LRGUK: variants seen among roughly 807,000 people sequenced by gnomAD.
LRGUK encodes the protein leucine rich repeats and guanylate kinase domain containing, also known as leucine-rich repeat and guanylate kinase domain-containing protein.
LRGUK carries 65 observed loss-of-function variants against 76.0 expected under a neutral mutation model. The observed-to-expected ratio is 0.85, with a 90% CI of 0.70 to 1.05. The LOEUF (loss-of-function observed/expected upper bound fraction) is 1.05, where lower values mean the gene tolerates loss of function less well. LRGUK is among the 50% of genes least tolerant of loss of function. The pLI, the probability that LRGUK is intolerant of heterozygous loss-of-function variation, is 0.00. For synonymous variants in LRGUK, 268 were observed against 265.6 expected (o/e 1.01, Z -0.09); for missense variants, 758 against 732.8 (o/e 1.03, Z -0.40).
chr7:134,131,994 G>A (rs1797328841), intron 1 of LRGUK, among the ~76,000 whole-genome samples: 1 of 152,110 alleles, frequency 6.6e-6, no homozygotes, highest in African/African-American at 2.4e-5. Flanking sequence ...AAACTGGGAA[G>A]GACTGGTAAG....
chr7:134,258,929 C>A (rs959839681), intron 19 of LRGUK, among the ~76,000 whole-genome samples: 2 of 152,116 alleles, frequency 1.3e-5, no homozygotes, highest in African/African-American at 4.8e-5. Context: ...GGTCACTTAG[C>A]TACTTTGAGT....
At chr7:134,177,731 G>A (rs1799541837) in intron 9 of LRGUK, among the ~76,000 whole-genome samples, 2 of 152,140 alleles carry the variant, frequency 1.3e-5, no homozygotes, top group Non-Finnish European at 2.9e-5. Context: ...ATGTAGAGAG[G>A]CACGTATTCC....
exon 17 of LRGUK, chr7:134,247,615 A>G (rs1802337413): frequency 6.2e-7 from 1 of 1,613,634 alleles, no homozygotes; most frequent in Non-Finnish European, 8.5e-7. Flanking sequence ...TGGGAAGGAT[A>G]CGCCCTGATC....
chr7:134,158,988 C>T (rs892292607), intron 6 of LRGUK, among the ~76,000 whole-genome samples: 2 of 152,122 alleles, frequency 1.3e-5, no homozygotes, highest in Non-Finnish European at 2.9e-5. Flanking sequence ...AGGCTTGTAG[C>T]TTGTAAATTT....
chr7:134,249,879 A>G (rs1802401808), intron 18 of LRGUK, among the ~76,000 whole-genome samples: 1 of 152,158 alleles, frequency 6.6e-6, no homozygotes, highest in South Asian at 2.1e-4. Flanking sequence ...AATTTACACA[A>G]AGATCTGGCT....
At chr7:134,245,318 G>C (rs1272911664) in intron 16 of LRGUK, among the ~76,000 whole-genome samples, 1 of 152,138 alleles carries the variant, frequency 6.6e-6, no homozygotes, top group Non-Finnish European at 1.5e-5. Context: ...GCCCTGCTTT[G>C]CTTTTCAGTG....
chr7:134,258,338 G>A lies in LRGUK; in HGVS notation c.2280G>A (p.Pro760=), dbSNP rs770195868. The change falls in exon 19 of 20, where the codon CCG becomes CCA. Residue 760 remains proline (P), a synonymous_variant. Coordinates refer to the LRGUK transcript ENST00000285928. Reference sequence around the variant, plus strand: ...CAAAAGAATTGCCTTTCCAGCCTCCGGAGGGGAGCATTTCTTCACACCTAG... The same window carrying A: ...CAAAAGAATTGCCTTTCCAGCCTCCAGAGGGGAGCATTTCTTCACACCTAG... 6.4e-5 allele frequency: 103 copies of A among 1,613,954 alleles called. No individual in the cohort carries two copies. The highest frequency in any genetic ancestry group is 5.3e-5 in the Non-Finnish European group (62 of 1,180,004).
chr7:134,258,831 CAG>C (rs1241644116), intron 19 of LRGUK, among the ~76,000 whole-genome samples: 22 of 152,140 alleles, frequency 1.4e-4, no homozygotes, highest in African/African-American at 4.6e-4. Flanking sequence ...AGTATTGAGT[CAG>C]AATCTCCCTC....
intron 7 of LRGUK, among the ~76,000 whole-genome samples, chr7:134,167,048 T>C (rs2116948536): frequency 6.6e-6 from 1 of 152,324 alleles, no homozygotes; most frequent in Admixed American, 6.5e-5. Context: ...ACAACATTGA[T>C]GCAGAGGCAT....
chr7:134,217,324 G>A (rs1181147231), intron 15 of LRGUK, among the ~76,000 whole-genome samples: 2 of 151,996 alleles, frequency 1.3e-5, no homozygotes, highest in Non-Finnish European at 2.9e-5. Context: ...TCTTATGAAT[G>A]TAAATGTGTA....
intron 19 of LRGUK, among the ~76,000 whole-genome samples, chr7:134,260,124 C>T (rs981084571): frequency 1.3e-5 from 2 of 152,082 alleles, no homozygotes; most frequent in Non-Finnish European, 2.9e-5. Context: ...AATCAGTTAA[C>T]ATTTGAGCCT....
At chr7:134,202,566 T>A (rs1369856) in intron 15 of LRGUK, among the ~76,000 whole-genome samples, 2,319 of 152,174 alleles carry the variant, frequency 0.015, 67 homozygotes, top group African/African-American at 0.053. Flanking sequence ...CTATTCACAA[T>A]AGCCAAAAGG....
At chr7:134,143,268 G>A (rs17167492) in intron 4 of LRGUK, 106 bp downstream of exon 4, 88,156 of 706,352 alleles carry the variant, frequency 0.12, 7,038 homozygotes, top group East Asian at 0.33. Context: ...AAGATACAGA[G>A]GTAAGCAATG....
intron 1 of LRGUK, among the ~76,000 whole-genome samples, chr7:134,133,762 T>A (rs373247904): frequency 2.0e-5 from 3 of 152,102 alleles, no homozygotes; most frequent in South Asian, 4.1e-4. Flanking sequence ...TAGAGAGAAA[T>A]TGAAATTGCG....
At chr7:134,187,585 T>C (rs1305981705) in intron 11 of LRGUK, among the ~76,000 whole-genome samples, 1 of 152,252 alleles carries the variant, frequency 6.6e-6, no homozygotes, top group Non-Finnish European at 1.5e-5. Context: ...GTTTTGATTT[T>C]ACTATTTGTT....
intron 16 of LRGUK, among the ~76,000 whole-genome samples, chr7:134,240,899 C>G (rs1162648357): frequency 6.6e-6 from 1 of 152,184 alleles, no homozygotes; most frequent in Non-Finnish European, 1.5e-5. Flanking sequence ...GGCCAATATT[C>G]AACATTCTTA....
exon 4 of LRGUK, chr7:134,143,151 A>G (rs757407122): frequency 8.2e-6 from 13 of 1,592,802 alleles, no homozygotes; most frequent in Non-Finnish European, 9.5e-6. Context: ...CAAGCCACCC[A>G]AAAACCTCAA....
chr7:134,270,373 C>G, the LRGUK span, among the ~76,000 whole-genome samples: 1 of 152,074 alleles, frequency 6.6e-6, no homozygotes, highest in Admixed American at 6.6e-5. Flanking sequence ...AGACTTATAT[C>G]TTACAAGTGA....
chr7:134,246,830 T>C (rs1802313955), intron 16 of LRGUK, among the ~76,000 whole-genome samples: 1 of 152,224 alleles, frequency 6.6e-6, no homozygotes, highest in Non-Finnish European at 1.5e-5. Context: ...ATCTTTTCTG[T>C]AAATTAAGAA....
Sources: gnomAD v4.1 joint callset for allele counts (sites outside exome capture counted in the v4.1 genomes callset) on GRCh38, gnomAD v4.1.1 for gene constraint, MANE v1.5 for transcripts, NCBI Gene and HGNC (gene_info 2026-07-23, HGNC 2026-07-21) for gene names.